The following PXDNL variants were observed in gnomAD, a reference collection of about 807,000 sequenced individuals.
PXDNL encodes the protein probable oxidoreductase PXDNL.
In PXDNL, 145 loss-of-function variants were observed where a neutral mutation model predicts 150.8. That is an observed-to-expected ratio of 0.96 (90% CI 0.84 to 1.10). The LOEUF is 1.10. Ranked by LOEUF, PXDNL falls within the 50% of genes least tolerant of loss-of-function variation. PXDNL has a pLI of 0.00. For missense variants in PXDNL, 2,087 were observed against 1,873.9 expected, an observed-to-expected ratio of 1.11 and a Z score of -2.10; for synonymous variants, 757 against 725.7, an observed-to-expected ratio of 1.04 and a Z score of -0.69.
intron 5 of PXDNL, among the ~76,000 whole-genome samples, chr8:51,490,727 A>AGTGTGTGTGTGT (rs35415972): frequency 1.5e-4 from 22 of 147,232 alleles, no homozygotes; most frequent in African/African-American, 5.3e-4. Flanking sequence ...TTGACTTTCT[A>AGTGTGTGTGTGT]GTGTGTGTGT....
intron 1 of PXDNL, among the ~76,000 whole-genome samples, chr8:51,730,163 T>C (rs1052715246): frequency 6.6e-6 from 1 of 151,902 alleles, no homozygotes; most frequent in African/African-American, 2.4e-5. Flanking sequence ...TCATCACTTG[T>C]AACATCTCAT....
At chr8:51,492,469 C>T (rs1810917761) in intron 5 of PXDNL, among the ~76,000 whole-genome samples, 1 of 152,110 alleles carries the variant, frequency 6.6e-6, no homozygotes, top group Non-Finnish European at 1.5e-5. Context: ...GAGCATGAGC[C>T]AAAGCTGGGC....
At position 51,409,056 on chromosome 8, in the gene PXDNL, G is replaced by A. The variant is rs779010140; in HGVS notation, c.2568C>T (p.His856=). The A allele has an allele frequency of 6.8e-6, 11 of 1,609,864 alleles. No individual in the cohort carries two copies. Among genetic ancestry groups the A allele is most frequent in the East Asian group, 2.2e-5 (1 of 44,854 alleles). ...NTRHADPRGT[H]APCMLFARSS... is the part of the protein sequence containing the mutation. Reference sequence around the variant, plus strand: ...AGCGCGCGAAGAGCATGCAGGGCGCGTGGGTGCCCCGGGGGTCGGCGTGCC... The same window carrying A: ...AGCGCGCGAAGAGCATGCAGGGCGCATGGGTGCCCCGGGGGTCGGCGTGCC... Residue 856 remains histidine (H), a synonymous_variant, in exon 17 of 23, where the codon CAC becomes CAT. Transcript: ENST00000356297.
intron 17 of PXDNL, among the ~76,000 whole-genome samples, chr8:51,398,997 T>C (rs1808168706): frequency 6.6e-6 from 1 of 152,162 alleles, no homozygotes; most frequent in Non-Finnish European, 1.5e-5. Flanking sequence ...TTTCACTTGA[T>C]ATATATAAGA....
chr8:51,708,271 C>A (rs1259483267), intron 1 of PXDNL, among the ~76,000 whole-genome samples: 1 of 152,180 alleles, frequency 6.6e-6, no homozygotes, highest in Non-Finnish European at 1.5e-5. Flanking sequence ...CCTGAGTCAC[C>A]CTGGAGCAGG....
chr8:51,351,525 G>T (rs1349575883), intron 19 of PXDNL, among the ~76,000 whole-genome samples: 1 of 152,184 alleles, frequency 6.6e-6, no homozygotes. Flanking sequence ...AGCCCTGCCA[G>T]CACTTGATCT....
intron 1 of PXDNL, among the ~76,000 whole-genome samples, chr8:51,709,527 A>G (rs1283358631): frequency 6.6e-6 from 1 of 152,178 alleles, no homozygotes; most frequent in African/African-American, 2.4e-5. Context: ...GTGCTGGATT[A>G]CAGGCGTAAG....
chr8:51,527,244 GCCTTCACACACCC>G lies in PXDNL; in HGVS notation c.381-27487_381-27475del, dbSNP rs370631150. ...CTGGGACCTACCTACATGGGTTCTT[GCCTTCACACACCC>G]CCTTCCTACCTCCTGCGAGGATGTT... On this transcript the variant is annotated intron_variant, in intron 4 of 22. Coordinates refer to ENST00000356297, the MANE Select transcript of PXDNL (RefSeq NM_144651.5). 3.1e-3 allele frequency among the ~76,000 whole-genome samples: 469 copies of G among 152,220 alleles called. 4 individuals carry two copies. The highest frequency in any genetic ancestry group is 1.0e-2 in the African/African-American group (414 of 41,532).
At chr8:51,614,703 A>G (rs914904189) in intron 2 of PXDNL, among the ~76,000 whole-genome samples, 2 of 152,114 alleles carry the variant, frequency 1.3e-5, no homozygotes, top group African/African-American at 4.8e-5. Context: ...TTACATTTTT[A>G]TTATCTACAA....
chr8:51,350,160 T>C (rs1454625914), intron 19 of PXDNL, among the ~76,000 whole-genome samples: 2 of 151,998 alleles, frequency 1.3e-5, no homozygotes, highest in African/African-American at 4.8e-5. Flanking sequence ...AGCTTCCTTA[T>C]GCTGGGAAAG....
intron 12 of PXDNL, among the ~76,000 whole-genome samples, chr8:51,429,442 G>A (rs1344392567): frequency 1.3e-5 from 2 of 152,082 alleles, no homozygotes; most frequent in African/African-American, 4.8e-5. Context: ...TTAGCCAGGC[G>A]TGGAGGTGTG....
At chr8:51,444,261 C>T (rs1027704441) in intron 12 of PXDNL, among the ~76,000 whole-genome samples, 3 of 151,982 alleles carry the variant, frequency 2.0e-5, no homozygotes, top group African/African-American at 7.3e-5. Flanking sequence ...GACTTTTGCA[C>T]CATCAGCGCA....
intron 1 of PXDNL, among the ~76,000 whole-genome samples, chr8:51,800,742 T>G (rs776196656): frequency 1.3e-5 from 2 of 152,240 alleles, no homozygotes; most frequent in Non-Finnish European, 2.9e-5. Flanking sequence ...TCATGGACAT[T>G]TATCAGTTCC....
At chr8:51,452,935 A>AACACACACACACAC (rs146990384) in intron 10 of PXDNL, among the ~76,000 whole-genome samples, 11 of 142,672 alleles carry the variant, frequency 7.7e-5, no homozygotes, top group African/African-American at 2.7e-4. Context: ...CACACACACA[A>AACACACACACACAC]ACACACACAC....
intron 2 of PXDNL, among the ~76,000 whole-genome samples, chr8:51,650,268 T>TA (rs202102973): frequency 1.2e-4 from 18 of 151,280 alleles, no homozygotes; most frequent in East Asian, 9.7e-4. Context: ...AGGCATAGAT[T>TA]AAAAAAAAAT....
At chr8:51,351,866 T>C (rs1182451192) in intron 19 of PXDNL, among the ~76,000 whole-genome samples, 1 of 152,018 alleles carries the variant, frequency 6.6e-6, no homozygotes, top group Non-Finnish European at 1.5e-5. Context: ...AAAAATGTTA[T>C]CTCCACAACA....
Position 51,519,576 on chromosome 8 carries a change from C to G in PXDNL, c.381-19806G>C, listed in dbSNP as rs371602800. ...CTGAAGAAAATGGAGAAAAAGAAAA[C>G]AAGGAAGAGGAGAAAGAGGAGGAAA... On this transcript the variant is annotated intron_variant, in intron 4 of 22. Coordinates refer to ENST00000356297, the MANE Select transcript of PXDNL (RefSeq NM_144651.5). Among the ~76,000 whole-genome samples the G allele has an allele frequency of 6.6e-5, 10 of 151,570 alleles. No individual in the cohort carries two copies. The East Asian group carries it at 1.6e-3, about 24-fold the overall frequency.
At chr8:51,481,135 TG>T (rs1333506535) in intron 6 of PXDNL, among the ~76,000 whole-genome samples, 1 of 152,134 alleles carries the variant, frequency 6.6e-6, no homozygotes, top group Non-Finnish European at 1.5e-5. Context: ...CAGGCAGATG[TG>T]GGAAAGCTTG....
At chr8:51,597,171 C>T (rs1175065113) in intron 2 of PXDNL, among the ~76,000 whole-genome samples, 1 of 152,110 alleles carries the variant, frequency 6.6e-6, no homozygotes. Flanking sequence ...AGTTTTTCCC[C>T]ATTGCTTGTT....
Sources: gnomAD v4.1 joint callset for allele counts (sites outside exome capture counted in the v4.1 genomes callset) on GRCh38, gnomAD v4.1.1 for gene constraint, MANE v1.5 for transcripts, NCBI Gene and HGNC (gene_info 2026-07-23, HGNC 2026-07-21) for gene names.